The following TANC2 variants were observed in gnomAD, a reference collection of about 807,000 sequenced individuals.
TANC2 encodes protein TANC2.
Under a neutral mutation model 210.5 loss-of-function variants are expected in TANC2, and 26 were observed. The observed-to-expected ratio is 0.12, with a 90% CI of 0.09 to 0.17. The LOEUF (loss-of-function observed/expected upper bound fraction) is 0.17. TANC2 is among the 10% of genes least tolerant of loss of function. The pLI, the probability that TANC2 is intolerant of heterozygous loss-of-function variation, is 1.00. For missense variants in TANC2, 2,129 were observed against 2,608.9 expected (o/e 0.82, Z 4.01); for synonymous variants, 931 against 967.1 (o/e 0.96, Z 0.69).
At chr17:63,022,209 G>C (rs2034378786) in intron 2 of TANC2, among the ~76,000 whole-genome samples, 1 of 151,950 alleles carries the variant, frequency 6.6e-6, no homozygotes, top group Admixed American at 6.6e-5. Flanking sequence ...GGGTATGGTG[G>C]TGGGCGCCTG....
chr17:63,185,899 T>A (rs1358045037), intron 5 of TANC2, among the ~76,000 whole-genome samples: 1 of 152,200 alleles, frequency 6.6e-6, no homozygotes, highest in Admixed American at 6.5e-5. Context: ...CCTTTTACCT[T>A]CTTAATGGTG....
At chr17:63,010,028 A>T (rs1260297412) in intron 2 of TANC2, among the ~76,000 whole-genome samples, 1 of 152,088 alleles carries the variant, frequency 6.6e-6, no homozygotes, top group African/African-American at 2.4e-5. Flanking sequence ...TATAAGTTGA[A>T]TTTTTTATAG....
intron 12 of TANC2, among the ~76,000 whole-genome samples, chr17:63,349,008 TATG>T (rs909913481): frequency 1.3e-5 from 2 of 152,122 alleles, no homozygotes; most frequent in African/African-American, 4.8e-5. Flanking sequence ...TCCTAAAAAT[TATG>T]ATATCCTTAG....
At chr17:62,972,729 C>T (rs368064698) in intron 1 of TANC2, among the ~76,000 whole-genome samples, 16 of 152,314 alleles carry the variant, frequency 1.1e-4, no homozygotes, top group African/African-American at 3.8e-4. Flanking sequence ...CTGGTCCCTG[C>T]CTCCTCTTTA....
intron 3 of TANC2, among the ~76,000 whole-genome samples, chr17:63,096,697 A>G (rs866553778): frequency 5.3e-5 from 8 of 152,170 alleles, no homozygotes; most frequent in Non-Finnish European, 8.8e-5. Context: ...TGTATGAATA[A>G]TGCTGCTGTG....
At chr17:62,995,995 TAAAG>T (rs1256087979) in intron 1 of TANC2, among the ~76,000 whole-genome samples, 2 of 152,220 alleles carry the variant, frequency 1.3e-5, no homozygotes, top group Admixed American at 1.3e-4. Flanking sequence ...AGTCAACACT[TAAAG>T]AAGGCCTTTC....
At chr17:63,246,908 G>A (rs2042934437) in intron 8 of TANC2, among the ~76,000 whole-genome samples, 2 of 152,100 alleles carry the variant, frequency 1.3e-5, no homozygotes, top group African/African-American at 4.8e-5. Context: ...AAAAGTAGCT[G>A]TACTGTTTTG....
At chr17:63,349,244 G>T (rs943500627) in intron 12 of TANC2, among the ~76,000 whole-genome samples, 34 of 152,126 alleles carry the variant, frequency 2.2e-4, no homozygotes, top group African/African-American at 7.9e-4. Context: ...AATCTACTAA[G>T]AATTTATGCA....
intron 8 of TANC2, among the ~76,000 whole-genome samples, chr17:63,247,632 G>A (rs1195181955): frequency 6.6e-6 from 1 of 151,842 alleles, no homozygotes; most frequent in Non-Finnish European, 1.5e-5. Flanking sequence ...TAGTCTTTCT[G>A]GCTAGCAGAG....
In TANC2 at chr17:63,418,852, T is replaced by C. The variant is rs528512360; in HGVS notation, c.4268+445T>C. The stretch of plus-strand genomic sequence containing the variant: ...GGCGTTTGAGGAATCCCGGATTAGT[T>C]AGTCTTCCCTCTGGGGCTCTCCTCA... On this transcript the variant is annotated intron_variant, in intron 27 of 27. Transcript: ENST00000689528. The surrounding 1 kb of genome is among the most constrained non-coding windows in gnomAD (Gnocchi z 4.6). Among the ~76,000 whole-genome samples, 29 of 152,310 alleles carry C rather than the reference T, an allele frequency of 1.9e-4. No individual in the cohort carries two copies. The highest frequency in any genetic ancestry group is 9.8e-4 in the Admixed American group (15 of 15,306).
intron 8 of TANC2, among the ~76,000 whole-genome samples, chr17:63,265,084 G>C (rs1487485148): frequency 6.6e-6 from 1 of 152,218 alleles, no homozygotes; most frequent in Non-Finnish European, 1.5e-5. Context: ...TCTGAGCTCT[G>C]TGTAGTCCTT....
At chr17:63,334,645 AT>A (rs770790490) in intron 11 of TANC2, among the ~76,000 whole-genome samples, 5 of 152,186 alleles carry the variant, frequency 3.3e-5, no homozygotes, top group Non-Finnish European at 5.9e-5. Context: ...GAGAAACAGG[AT>A]TTGCATAGCC....
At chr17:63,222,002 G>A (rs2042205837) in intron 7 of TANC2, among the ~76,000 whole-genome samples, 1 of 152,204 alleles carries the variant, frequency 6.6e-6, no homozygotes, top group Non-Finnish European at 1.5e-5. Context: ...CATTTGGGCT[G>A]ATAAAACAAA....
intron 2 of TANC2, among the ~76,000 whole-genome samples, chr17:63,046,509 T>G (rs1568341926): frequency 6.6e-6 from 1 of 151,696 alleles, no homozygotes; most frequent in Non-Finnish European, 1.5e-5. Flanking sequence ...TTTTTGTATT[T>G]TTAGTAGAGA....
At chr17:63,145,716 G>A (rs1244459749) in intron 4 of TANC2, among the ~76,000 whole-genome samples, 1 of 152,000 alleles carries the variant, frequency 6.6e-6, no homozygotes, top group East Asian at 1.9e-4. Flanking sequence ...TTGATGATAC[G>A]GTTTATTTCT....
chr17:63,266,001 GAA>G (rs988325310), intron 8 of TANC2, among the ~76,000 whole-genome samples: 3 of 152,044 alleles, frequency 2.0e-5, no homozygotes, highest in African/African-American at 7.2e-5. Flanking sequence ...ACCATCAAGA[GAA>G]AGAGAGGGTA....
intron 7 of TANC2, among the ~76,000 whole-genome samples, chr17:63,225,624 A>C (rs2042307692): frequency 6.6e-6 from 1 of 152,184 alleles, no homozygotes; most frequent in Non-Finnish European, 1.5e-5. Flanking sequence ...TGGTACCACC[A>C]TCTAGCCATT....
chr17:63,371,095 G>T (rs956988468), intron 14 of TANC2, among the ~76,000 whole-genome samples: 4 of 152,080 alleles, frequency 2.6e-5, no homozygotes, highest in African/African-American at 7.2e-5. Context: ...TATAAGATAG[G>T]CTTTAGATTA....
At chr17:62,972,542 C>T (rs1373410883) in intron 1 of TANC2, among the ~76,000 whole-genome samples, 6 of 152,078 alleles carry the variant, frequency 3.9e-5, no homozygotes, top group African/African-American at 1.2e-4. Flanking sequence ...TGAGGAAACA[C>T]CTTTAGTGTT....
Sources: gnomAD v4.1 joint callset for allele counts (sites outside exome capture counted in the v4.1 genomes callset) on GRCh38, gnomAD v4.1.1 for gene constraint, Gnocchi (gnomAD v3.1) non-coding constraint, MANE v1.5 for transcripts, NCBI Gene and HGNC (gene_info 2026-07-23, HGNC 2026-07-21) for gene names.